Variants in GABRG3 observed in about 807,000 individuals in gnomAD.
The protein encoded by GABRG3 is gamma-aminobutyric acid type A receptor subunit gamma3.
Under a neutral mutation model 48.8 loss-of-function variants are expected in GABRG3, and 25 were observed. The observed-to-expected ratio is 0.51, with a 90% CI of 0.37 to 0.72. The LOEUF (loss-of-function observed/expected upper bound fraction) is 0.72. Ranked by LOEUF, GABRG3 falls within the 30% of genes least tolerant of loss-of-function variation. The probability of loss-of-function intolerance (pLI) is 0.00; values close to 1 mark genes in which losing one functional copy is unlikely to be tolerated. For missense variants in GABRG3, 394 were observed against 577.9 expected (o/e 0.68, Z 3.26); for synonymous variants, 227 against 217.6 (o/e 1.04, Z -0.38).
intron 3 of GABRG3, among the ~76,000 whole-genome samples, chr15:27,295,500 C>G (rs993032031): frequency 2.0e-5 from 3 of 152,136 alleles, no homozygotes; most frequent in Non-Finnish European, 4.4e-5. Context: ...TGTCAAAATC[C>G]TGCTTGAGAT....
At chr15:27,368,641 C>T (rs1216100752) in intron 5 of GABRG3, among the ~76,000 whole-genome samples, 1 of 152,180 alleles carries the variant, frequency 6.6e-6, no homozygotes, top group Non-Finnish European at 1.5e-5. Flanking sequence ...TCCGGTTCTG[C>T]AGGACACTGA....
intron 3 of GABRG3, among the ~76,000 whole-genome samples, chr15:27,151,724 A>G (rs1898318849): frequency 6.6e-6 from 1 of 152,154 alleles, no homozygotes; most frequent in Non-Finnish European, 1.5e-5. Flanking sequence ...AACTCAACCC[A>G]AATGGAAGAA....
chr15:27,506,125 T>C (rs1239089093), intron 6 of GABRG3, among the ~76,000 whole-genome samples: 1 of 152,216 alleles, frequency 6.6e-6, no homozygotes, highest in Admixed American at 6.5e-5. Context: ...GTCTTATCTC[T>C]TTCTCTTGCT....
At chr15:27,481,311 A>G in intron 6 of GABRG3, 1 of 890,738 alleles carries the variant, frequency 1.1e-6, no homozygotes, top group South Asian at 5.2e-5. Context: ...CCTGTAATTA[A>G]ATAAAAAGAG....
rs1465810981 is a variant in GABRG3 at position 27,180,556 on chromosome 15, C to T, written c.271-146253C>T. Among the ~76,000 whole-genome samples, 1 of 152,080 alleles carries T rather than the reference C, an allele frequency of 6.6e-6. No individual in the cohort carries two copies. Among genetic ancestry groups the T allele is most frequent in the African/African-American group, 2.4e-5 (1 of 41,428 alleles). On this transcript the variant is annotated intron_variant, in intron 3 of 9. Transcript: ENST00000615808. This position sits in a 1 kb window ranked among gnomAD's most constrained non-coding sequence, Gnocchi z 4.2. ...ATACCCTCAGGTTCAACTCATCGCTCTAACCATGTCATCCTGATTCACTCA... is the reference window on the plus strand; with the variant it reads ...ATACCCTCAGGTTCAACTCATCGCTTTAACCATGTCATCCTGATTCACTCA...
chr15:27,019,022 A>C (rs1895831948), intron 2 of GABRG3, among the ~76,000 whole-genome samples: 1 of 140,680 alleles, frequency 7.1e-6, no homozygotes, highest in Admixed American at 7.1e-5. Flanking sequence ...AAAAAACAGT[A>C]CTAATCCCAT....
At chr15:27,282,485 T>A (rs540863304) in intron 3 of GABRG3, among the ~76,000 whole-genome samples, 1 of 152,336 alleles carries the variant, frequency 6.6e-6, no homozygotes, top group East Asian at 1.9e-4. Context: ...CTCGCATCCA[T>A]TCTTCTATTA....
At position 27,221,063 on chromosome 15, in the gene GABRG3, G is replaced by A. The variant is rs368834445; in HGVS notation, c.271-105746G>A. 3.2e-4 allele frequency among the ~76,000 whole-genome samples: 48 copies of A among 152,054 alleles called. 2 individuals are homozygous for A. The East Asian group carries it at 8.7e-3, about 28-fold the overall frequency. Reference sequence around the variant, plus strand: ...TCCTTAATAAACAAGATTCAGGGAGGAAATTGCTCAAGCTTATAGGATTAA... The same window carrying A: ...TCCTTAATAAACAAGATTCAGGGAGAAAATTGCTCAAGCTTATAGGATTAA... On this transcript the variant is annotated intron_variant, in intron 3 of 9. Coordinates refer to ENST00000615808, the MANE Select transcript of GABRG3 (RefSeq NM_033223.5).
At chr15:27,323,840 C>T (rs1893513729) in intron 3 of GABRG3, among the ~76,000 whole-genome samples, 1 of 152,140 alleles carries the variant, frequency 6.6e-6, no homozygotes, top group Admixed American at 6.5e-5. Flanking sequence ...ATGCTTCTCA[C>T]CCAGGGCACG....
At position 26,975,040 on chromosome 15, in the gene GABRG3, ATT is replaced by A. The variant is rs1473153864; in HGVS notation, c.54-1955_54-1954del. Among the ~76,000 whole-genome samples the A allele has an allele frequency of 3.3e-5, 5 of 150,862 alleles. No homozygotes were observed. Among genetic ancestry groups the A allele is most frequent in the Non-Finnish European group, 5.9e-5 (4 of 67,676 alleles). ...AGGCATGTGCCACCATGCCCCGCTA[ATT>A]TTTTTTGTATTTTTAGTAGAGACGG... On this transcript the variant is annotated intron_variant, in intron 1 of 9. Transcript: ENST00000615808. This position sits in a 1 kb window ranked among gnomAD's most constrained non-coding sequence, Gnocchi z 4.6.
chr15:27,432,775 G>A (rs1345854806), intron 5 of GABRG3, among the ~76,000 whole-genome samples: 1 of 151,912 alleles, frequency 6.6e-6, no homozygotes, highest in African/African-American at 2.4e-5. Context: ...TTTTGCTATT[G>A]GCATCAAGAA....
chr15:27,505,504 A>T (rs1362833827), intron 6 of GABRG3, among the ~76,000 whole-genome samples: 5 of 152,144 alleles, frequency 3.3e-5, no homozygotes, highest in Non-Finnish European at 5.9e-5. Context: ...GAAGCTTTTA[A>T]TTATAAATGG....
At chr15:27,509,041 T>G (rs1890834092) in intron 6 of GABRG3, among the ~76,000 whole-genome samples, 1 of 152,180 alleles carries the variant, frequency 6.6e-6, no homozygotes, top group African/African-American at 2.4e-5. Context: ...TTTTTGTTTT[T>G]CTGAGAAACT....
chr15:27,189,712 C>T (rs1265608164), intron 3 of GABRG3, among the ~76,000 whole-genome samples: 18 of 152,100 alleles, frequency 1.2e-4, no homozygotes, highest in South Asian at 2.1e-4. Context: ...TAATTGAATA[C>T]GCTTTATTTC....
chr15:27,417,334 T>G (rs1887969103), intron 5 of GABRG3, among the ~76,000 whole-genome samples: 1 of 152,174 alleles, frequency 6.6e-6, no homozygotes, highest in Non-Finnish European at 1.5e-5. Flanking sequence ...GTGACACTCA[T>G]CCCTCTTAAA....
At chr15:27,300,678 C>CAAAAAAAAAAAAAAAAAAAAAAA (rs10600874) in intron 3 of GABRG3, among the ~76,000 whole-genome samples, 2 of 101,282 alleles carry the variant, frequency 2.0e-5, no homozygotes, top group African/African-American at 3.6e-5. Context: ...AATAAATAAG[C>CAAAAAAAAAAAAAAAAAAAAAAA]AAAAAAAAAA....
rs1038180591 is a variant in GABRG3 at position 27,534,613 on chromosome 15, A to G, written c.*1732A>G. The G allele has an allele frequency of 1.3e-5, 2 of 152,222 alleles. No individual in the cohort carries two copies. The highest frequency in any genetic ancestry group is 6.5e-5 in the Admixed American group (1 of 15,286). 9.4% of individuals were successfully genotyped at this position (152,222 alleles called of 1,614,324 possible). On this transcript the variant is annotated 3_prime_UTR_variant, in exon 10 of 10. Transcript: ENST00000615808. ...ATTATCTATTGTGCATACCATAATTACCCAGAAACGTAAAATATTTTGCAG... is the reference window on the plus strand; with the variant it reads ...ATTATCTATTGTGCATACCATAATTGCCCAGAAACGTAAAATATTTTGCAG...
chr15:26,992,004 C>G (rs1895258578), intron 2 of GABRG3, among the ~76,000 whole-genome samples: 1 of 152,192 alleles, frequency 6.6e-6, no homozygotes, highest in Admixed American at 6.5e-5. Flanking sequence ...AAGGCATGAG[C>G]CACTGCGCCC....
At chr15:27,426,352 TA>T (rs1888292253) in intron 5 of GABRG3, among the ~76,000 whole-genome samples, 1 of 152,204 alleles carries the variant, frequency 6.6e-6, no homozygotes. Context: ...AAAAAAGAGT[TA>T]GTTATTTTAA....
Sources: gnomAD v4.1 joint callset for allele counts (sites outside exome capture counted in the v4.1 genomes callset) on GRCh38, gnomAD v4.1.1 for gene constraint, Gnocchi (gnomAD v3.1) non-coding constraint, MANE v1.5 for transcripts, NCBI Gene and HGNC (gene_info 2026-07-23, HGNC 2026-07-21) for gene names.